PJVK: variants seen among roughly 807,000 people sequenced by gnomAD.
The protein encoded by PJVK is autosomal recessive deafness type 59 protein.
A neutral mutation model predicts 37.6 loss-of-function variants in PJVK; 33 were observed. The observed-to-expected ratio is 0.88, with a 90% CI of 0.67 to 1.17. The LOEUF (loss-of-function observed/expected upper bound fraction) is 1.17. PJVK is among the 50% of genes most tolerant of loss of function. The pLI, the probability that PJVK is intolerant of heterozygous loss-of-function variation, is 0.00. For missense variants in PJVK, 410 were observed against 413.8 expected (o/e 0.99, Z 0.08); for synonymous variants, 141 against 143.5 (o/e 0.98, Z 0.13).
intron 1 of PJVK, chr2:178,453,050 C>T: frequency 3.2e-6 from 1 of 314,748 alleles, no homozygotes; most frequent in Non-Finnish European, 6.1e-6. Context: ...CTATATGCTT[C>T]CCTTAAAATT....
chr2:178,455,507 G>T, intron 3 of PJVK: 2 of 891,906 alleles, frequency 2.2e-6, no homozygotes, highest in South Asian at 1.3e-5. Context: ...TCTGGGACTT[G>T]TGGGCCTCAG....
intron 3 of PJVK, chr2:178,455,149 G>C (rs532202814): frequency 1.2e-6 from 2 of 1,601,302 alleles, no homozygotes. Flanking sequence ...AGGACGGCAA[G>C]GTGGTGACTG....
In PJVK at chr2:178,461,086, G is replaced by A; in HGVS notation, c.871G>A (p.Glu291Lys). 1 of 1,614,104 alleles carries A rather than the reference G, an allele frequency of 6.2e-7. No homozygotes were observed. The highest frequency in any genetic ancestry group is 8.5e-7 in the Non-Finnish European group (1 of 1,180,014). Residue 291 changes from glutamate (E) to lysine (K), a missense_variant, in exon 7 of 7, where the codon GAA becomes AAA. Coordinates refer to ENST00000644580, the MANE Select transcript of PJVK (RefSeq NM_001042702.5). The stretch of plus-strand genomic sequence containing the variant: ...CAGCATGACTGATATTTCACTCAAA[G>A]AAGGGACCCATATCCGAGTTAACTT... ...PLSMTDISLK[E>K]GTHIRVNLLN...
At position 178,458,548 on chromosome 2, in the gene PJVK, C is replaced by G. The variant is rs776107755; in HGVS notation, c.588C>G (p.Asp196Glu). Residue 196 changes from aspartate to glutamate, a missense_variant, in exon 5 of 7, where the codon GAC becomes GAG. Transcript: ENST00000644580. ...ATGAACAGAATCCCAAGGGAAGGGA[C>G]AAAGCTATTGTTTTCCCAGCACATA... ...FMDEQNPKGR[D>E]KAIVFPAHTT... The G allele has an allele frequency of 9.9e-6, 16 of 1,613,974 alleles. No individual in the cohort carries two copies. The East Asian group carries it at 3.3e-4, about 34-fold the overall frequency.
Position 178,451,396 on chromosome 2 carries a change from G to C in PJVK, c.-396G>C. On this transcript the variant is annotated 5_prime_UTR_variant, in exon 1 of 7. Transcript: ENST00000644580. Reference sequence around the variant, plus strand: ...CGGCCCTGACCAGCCTGTAGTAACTGGCCCCTAGGCCGCAGTTCTTTGTCC... The same window carrying C: ...CGGCCCTGACCAGCCTGTAGTAACTCGCCCCTAGGCCGCAGTTCTTTGTCC... 3.4e-6 allele frequency: 1 copy of C among 297,540 alleles called. No homozygotes were observed. Among genetic ancestry groups the C allele is most frequent in the South Asian group, 4.4e-5 (1 of 22,844 alleles). The allele number at this position is 297,540 out of a possible 1,614,324, so 18.4% of individuals were successfully genotyped here.
chr2:178,456,767 A>G (rs1363561953), intron 4 of PJVK, among the ~76,000 whole-genome samples: 1 of 143,488 alleles, frequency 7.0e-6, no homozygotes, highest in Admixed American at 6.7e-5. Flanking sequence ...ACTCCGTCTC[A>G]AAAAAACAAA....
At chr2:178,460,214 C>G in intron 5 of PJVK, 134 bp from the exon 6 acceptor site, 1 of 776,180 alleles carries the variant, frequency 1.3e-6, no homozygotes, top group African/African-American at 1.7e-5. Flanking sequence ...TGAATGTTAC[C>G]TTTTCCAAAA....
chr2:178,454,808 G>A, intron 3 of PJVK: 6 of 1,425,128 alleles, frequency 4.2e-6, no homozygotes, highest in Non-Finnish European at 5.9e-6. Context: ...AGGATGCAGA[G>A]AATCATGAGG....
At chr2:178,455,192 T>C in intron 3 of PJVK, 1 of 1,586,318 alleles carries the variant, frequency 6.3e-7, no homozygotes, top group Non-Finnish European at 8.7e-7. Context: ...GATGGAGTGG[T>C]GGAGCCGCTT....
chr2:178,459,324 A>C (rs1460238169), intron 5 of PJVK: 1 of 415,450 alleles, frequency 2.4e-6, no homozygotes, highest in Non-Finnish European at 5.1e-6. Context: ...ATTTTGTAGG[A>C]GGAGGGAATA....
chr2:178,460,954 C>T (rs781760610), intron 6 of PJVK, 28 bp from the exon 7 acceptor site: 4 of 1,591,502 alleles, frequency 2.5e-6, no homozygotes, highest in East Asian at 4.6e-5. Context: ...ACTTCTAACA[C>T]ATTTCTTTTC....
intron 3 of PJVK, 28 bp from the exon 4 acceptor site, chr2:178,455,982 T>C: frequency 1.2e-6 from 2 of 1,611,208 alleles, no homozygotes; most frequent in South Asian, 1.1e-5. Flanking sequence ...TGTTATAGAG[T>C]CTTGTGAATG....
At chr2:178,452,330 G>A in intron 1 of PJVK, 1 of 589,932 alleles carries the variant, frequency 1.7e-6, no homozygotes, top group Non-Finnish European at 2.1e-6. Context: ...TTGTTGTTTT[G>A]TTAGCATGTA....
intron 4 of PJVK, among the ~76,000 whole-genome samples, chr2:178,457,672 A>G (rs946249279): frequency 3.3e-5 from 5 of 152,148 alleles, no homozygotes; most frequent in African/African-American, 4.8e-5. Flanking sequence ...CCATCCAACT[A>G]GGGGCCCGGG....
rs1227813095 is a variant in PJVK, at chr2:178,455,021, G to A, written c.407+494G>A. On this transcript the variant is annotated intron_variant, in intron 3 of 6. Coordinates refer to ENST00000644580, the MANE Select transcript of PJVK (RefSeq NM_001042702.5). ...GTGTGGACTTCCAGCTGAAAGGGAA[G>A]GACGTGGTGGTGGCATCCAACGGCG... 3.6e-6 allele frequency: 4 copies of A among 1,097,802 alleles called. No homozygotes were observed. The Admixed American group carries it at 5.1e-5, about 14-fold the overall frequency. 68.0% of individuals were successfully genotyped at this position (1,097,802 alleles called of 1,614,324 possible).
chr2:178,453,651 A>G (rs751301575), intron 2 of PJVK, 31 bp downstream of exon 2: 5 of 1,557,514 alleles, frequency 3.2e-6, no homozygotes, highest in Non-Finnish European at 4.4e-6. Context: ...GTGCCAACTC[A>G]TTCATCTGTA....
At chr2:178,458,664 A>G in intron 5 of PJVK, 37 bp downstream of exon 5, 3 of 1,469,398 alleles carry the variant, frequency 2.0e-6, no homozygotes, top group Non-Finnish European at 2.9e-6. Context: ...AAATGATTAT[A>G]TTTTTAAGGA....
intron 4 of PJVK, among the ~76,000 whole-genome samples, chr2:178,456,976 A>AT (rs1009879212): frequency 3.4e-4 from 51 of 150,532 alleles, no homozygotes; most frequent in East Asian, 3.1e-3. Context: ...GAATTTATAG[A>AT]TTTTTTTTTT....
At chr2:178,453,794 A>C in intron 2 of PJVK, 174 bp downstream of exon 2, 1 of 584,840 alleles carries the variant, frequency 1.7e-6, no homozygotes, top group South Asian at 2.1e-5. Flanking sequence ...AAGTTTGTAT[A>C]ATATCAAATC....
Sources: allele counts gnomAD v4.1 joint callset (sites outside exome capture counted in the v4.1 genomes callset), GRCh38; gene constraint gnomAD v4.1.1; transcripts MANE v1.5; gene names NCBI Gene and HGNC (gene_info 2026-07-23, HGNC 2026-07-21).